The following TLE3 variants were observed in gnomAD, a reference collection of about 807,000 sequenced individuals.
TLE3 encodes the protein transducin-like enhancer protein 3.
In TLE3, 14 loss-of-function variants were observed where a neutral mutation model predicts 93.0. That is an observed-to-expected ratio of 0.15 (90% CI 0.10 to 0.24). The LOEUF (loss-of-function observed/expected upper bound fraction) is 0.24, where lower values mean the gene tolerates loss of function less well. Among genes scored for constraint, TLE3 ranks in the 10% least tolerant of loss-of-function variants. TLE3 has a pLI of 1.00. For synonymous variants in TLE3, 451 were observed against 425.0 expected (o/e 1.06, Z -0.75); for missense variants, 693 against 1,046.6 (o/e 0.66, Z 4.66).
chr15:70,050,644 G>GT (rs1248911258), intron 19 of TLE3: 39 of 160,948 alleles, frequency 2.4e-4, no homozygotes, highest in African/African-American at 8.1e-4. Context: ...AGCATGTGCT[G>GT]TAACTAGAGA....
Position 70,095,590 on chromosome 15 carries a change from G to T in TLE3, c.177C>A (p.Arg59=), listed in dbSNP as rs1367724908. Residue 59 remains arginine (R), a synonymous_variant, in exon 3 of 20, where the codon CGC becomes CGA. Coordinates refer to ENST00000451782, the MANE Select transcript of TLE3 (RefSeq NM_001105192.3). The part of the protein sequence containing the change: ...KLANEKTEMQ[R]HYVMYYEMSY... ...GGCCGCATCTCACCATCACATAATG[G>T]CGCTGCATCTCCGTCTTCTCGTTTG... 1.9e-6 allele frequency: 3 copies of T among 1,551,470 alleles called. No homozygotes were observed. Among genetic ancestry groups the T allele is most frequent in the Non-Finnish European group, 2.6e-6 (3 of 1,146,864 alleles).
At chr15:70,079,906 G>A (rs2057675654) in intron 4 of TLE3, among the ~76,000 whole-genome samples, 1 of 152,054 alleles carries the variant, frequency 6.6e-6, no homozygotes, top group South Asian at 2.1e-4. Context: ...TTCCTACCAA[G>A]AAGCCAAATT....
chr15:70,081,652 G>A (rs538006626), intron 4 of TLE3, among the ~76,000 whole-genome samples: 3 of 152,390 alleles, frequency 2.0e-5, no homozygotes, highest in African/African-American at 7.2e-5. Flanking sequence ...CTGTGAGACA[G>A]GCAAGCGGCC....
chr15:70,057,762 T>TC (rs1238777413), intron 12 of TLE3, 104 bp from the exon 13 acceptor site: 2 of 1,360,624 alleles, frequency 1.5e-6, no homozygotes, highest in Non-Finnish European at 2.0e-6. Flanking sequence ...AGCTGCCTGC[T>TC]CCAGGCAGTC....
At chr15:70,054,203 C>A in intron 16 of TLE3, 1 of 507,066 alleles carries the variant, frequency 2.0e-6, no homozygotes, top group Non-Finnish European at 3.4e-6. Context: ...AGACATGCTC[C>A]AGCTCCACTT....
intron 4 of TLE3, among the ~76,000 whole-genome samples, chr15:70,084,831 T>A (rs618468): frequency 6.6e-6 from 1 of 152,036 alleles, no homozygotes; most frequent in African/African-American, 2.4e-5. Context: ...CCTCTATGTC[T>A]GAGGCCTTGA....
At chr15:70,080,057 A>C (rs2057687002) in intron 4 of TLE3, among the ~76,000 whole-genome samples, 1 of 38,332 alleles carries the variant, frequency 2.6e-5, no homozygotes, top group Non-Finnish European at 7.2e-5. Flanking sequence ...ATCAGTTCCA[A>C]AAAAGGAAAA....
chr15:70,096,818 T>TCCGAGAGCGTGGAAGCG lies in TLE3; in HGVS notation c.-37_-21dup. The TCCGAGAGCGTGGAAGCG allele has an allele frequency of 1.9e-6, 3 of 1,606,246 alleles. No homozygotes were observed. Among genetic ancestry groups the TCCGAGAGCGTGGAAGCG allele is most frequent in the Non-Finnish European group, 2.5e-6 (3 of 1,176,508 alleles). ...ATACATGGCAGGGAGGGGTCGTGAT[T>TCCGAGAGCGTGGAAGCG]CCGAGAGCGTGGAAGCGCCGAGAGC... On this transcript the variant is annotated 5_prime_UTR_variant, in exon 1 of 20. Transcript: ENST00000451782.
intron 6 of TLE3, 62 bp from the exon 7 acceptor site, chr15:70,066,280 T>A (rs1221300369): frequency 1.4e-6 from 2 of 1,380,030 alleles, no homozygotes; most frequent in Admixed American, 3.1e-5. Context: ...CGTGGCCACC[T>A]CAGGAGGGAG....
Position 70,058,594 on chromosome 15 carries a change from A to G in TLE3, c.918+69T>C. On this transcript the variant is annotated intron_variant, in intron 11 of 19. Transcript: ENST00000451782. The surrounding 1 kb of genome is among the most constrained non-coding windows in gnomAD (Gnocchi z 4.1). ...CTCCCACTCCACCCCTCTGCCTGCCAATCGGCACCACCCCAGCTCCAGTCC... is the reference window on the plus strand; with the variant it reads ...CTCCCACTCCACCCCTCTGCCTGCCGATCGGCACCACCCCAGCTCCAGTCC... 1 of 1,498,942 alleles carries G rather than the reference A, an allele frequency of 6.7e-7. No homozygotes were observed. The highest frequency in any genetic ancestry group is 8.9e-7 in the Non-Finnish European group (1 of 1,124,138). The allele number at this position is 1,498,942 out of a possible 1,614,324, so 92.9% of individuals were successfully genotyped here.
rs2058631040 is a variant in TLE3 at position 70,097,776 on chromosome 15, C to T, written c.-978G>A. ...CCGGCAAACCCCCAAAACACACACA[C>T]CCAACACACACACACGCGCGCACGC... On this transcript the variant is annotated 5_prime_UTR_variant, in exon 1 of 20. The change creates a new upstream start codon in the 5' untranslated region. Transcript: ENST00000451782. 1.0e-5 allele frequency: 4 copies of T among 393,118 alleles called. No homozygotes were observed. The highest frequency in any genetic ancestry group is 2.1e-5 in the African/African-American group (1 of 48,300). 24.4% of individuals were successfully genotyped at this position (393,118 alleles called of 1,614,324 possible). A position where few individuals can be genotyped will look rare whatever the true frequency, so the allele number is the denominator to read the frequency against.
intron 4 of TLE3, among the ~76,000 whole-genome samples, chr15:70,082,293 A>T (rs2057815438): frequency 6.6e-6 from 1 of 151,348 alleles, no homozygotes; most frequent in African/African-American, 2.4e-5. Context: ...AAATAAAACA[A>T]GTGGGTGTTT....
Position 70,057,563 on chromosome 15 carries a change from G to T in TLE3, c.1147C>A (p.Pro383Thr). 6.2e-7 allele frequency: 1 copy of T among 1,601,960 alleles called. No homozygotes were observed. Among genetic ancestry groups the T allele is most frequent in the Non-Finnish European group, 8.5e-7 (1 of 1,174,918 alleles). Residue 383 changes from proline (P) to threonine (T), a missense_variant, in exon 13 of 20, where the codon CCT becomes ACT. Physicochemically the swap from Pro to Thr is conservative, Grantham distance 38. Around this residue, in one of 4 missense-constraint regions of TLE3, gnomAD observed 405 missense variants for 468.9 expected, o/e 0.86. Coordinates refer to ENST00000451782, the MANE Select transcript of TLE3 (RefSeq NM_001105192.3). ...TTGTGGAGGCCGGCGTAGGCGCCAG[G>T]ACTGGTGAGGGAGCCGTTCATCTCA... The part of the protein sequence containing the change: ...HHEMNGSLTS[P>T]GAYAGLHNIP...
At position 70,089,660 on chromosome 15, in the gene TLE3, T is replaced by C. The variant is rs79203423; in HGVS notation, c.234+4872A>G. Among the ~76,000 whole-genome samples the C allele has an allele frequency of 5.7e-3, 862 of 152,318 alleles. 8 individuals are homozygous for C. Among genetic ancestry groups the C allele is most frequent in the African/African-American group, 0.02 (826 of 41,556 alleles). ...TCAGCAGAGGGGCTTCCTTCATACC[T>C]ACAAAAATGAGACGAGGAATGAGTG... On this transcript the variant is annotated intron_variant, in intron 4 of 19. Coordinates refer to ENST00000451782, the MANE Select transcript of TLE3 (RefSeq NM_001105192.3).
At chr15:70,066,273 G>T in intron 6 of TLE3, 55 bp from the exon 7 acceptor site, 1 of 1,410,244 alleles carries the variant, frequency 7.1e-7, no homozygotes. Flanking sequence ...GGGGAGGCGT[G>T]GCCACCTCAG....
At chr15:70,085,436 C>G (rs1426619137) in intron 4 of TLE3, among the ~76,000 whole-genome samples, 1 of 152,190 alleles carries the variant, frequency 6.6e-6, no homozygotes, top group East Asian at 1.9e-4. Context: ...CATCCATCAT[C>G]CAGTAGGCCC....
Position 70,058,232 on chromosome 15 carries a change from G to T in TLE3, c.978C>A (p.Ala326=). 1 of 1,613,722 alleles carries T rather than the reference G, an allele frequency of 6.2e-7. No individual in the cohort carries two copies. The highest frequency in any genetic ancestry group is 8.5e-7 in the Non-Finnish European group (1 of 1,179,808). The change falls in exon 12 of 20, where the codon GCC becomes GCA. Residue 326 remains alanine (A), a synonymous_variant. Coordinates refer to ENST00000451782, the MANE Select transcript of TLE3 (RefSeq NM_001105192.3). This position sits in a 1 kb window ranked among gnomAD's most constrained non-coding sequence, Gnocchi z 4.1. ...KSNTPTPRND[A]PTPGTSTTPG... ...GGGTCGTGCTGGTGCCTGGAGTTGG[G>T]GCGTCGTTCCTTGGGGTTGGTGTGT...
intron 6 of TLE3, among the ~76,000 whole-genome samples, chr15:70,073,328 A>G (rs2057280202): frequency 1.3e-5 from 2 of 152,180 alleles, no homozygotes; most frequent in Admixed American, 1.3e-4. Context: ...CATGACTAAA[A>G]CACAGACCTC....
At chr15:70,089,254 C>T (rs2058188188) in intron 4 of TLE3, among the ~76,000 whole-genome samples, 1 of 152,198 alleles carries the variant, frequency 6.6e-6, no homozygotes, top group African/African-American at 2.4e-5. Flanking sequence ...GTGCTGGGTG[C>T]TCCTCCTATG....
Sources: gnomAD v4.1 joint callset for allele counts (sites outside exome capture counted in the v4.1 genomes callset) on GRCh38, gnomAD v4.1.1 for gene constraint, gnomAD v4.1.1 regional missense constraint, Gnocchi (gnomAD v3.1) non-coding constraint, MANE v1.5 for transcripts, NCBI Gene and HGNC (gene_info 2026-07-23, HGNC 2026-07-21) for gene names.